CFAP54: variants seen among roughly 807,000 people sequenced by gnomAD.
CFAP54 encodes the protein cilia- and flagella-associated protein 54.
In CFAP54, 290 loss-of-function variants were observed where a neutral mutation model predicts 370.4. The ratio of observed to expected loss-of-function variants is 0.78; its 90% CI spans 0.71 to 0.86. CFAP54 has a LOEUF of 0.86. CFAP54 is among the 40% of genes least tolerant of loss of function. The pLI, the probability that CFAP54 is intolerant of heterozygous loss-of-function variation, is 0.00. For synonymous variants in CFAP54, 1,206 were observed against 1,236.5 expected, an observed-to-expected ratio of 0.98 and a Z score of 0.52; for missense variants, 3,399 against 3,528.7, an observed-to-expected ratio of 0.96 and a Z score of 0.93.
chr12:96,691,409 C>A (rs1957386475), intron 44 of CFAP54, 99 bp downstream of exon 44: 1 of 794,060 alleles, frequency 1.3e-6, no homozygotes, highest in Non-Finnish European at 1.9e-6. Flanking sequence ...TGGTCAGTTA[C>A]TGTTTAACTT....
In CFAP54 at chr12:96,844,108, A is replaced by G. The variant is rs552224495; in HGVS notation, c.9171+15020A>G. On this transcript the variant is annotated intron_variant, in intron 66 of 67. Coordinates refer to ENST00000524981, the MANE Select transcript of CFAP54 (RefSeq NM_001306084.2). ...TTGACTAAACCATTGCATTTCAGAC[A>G]TGTTGTGGTAGGTTGAACAATGGCG... 2.6e-5 allele frequency among the ~76,000 whole-genome samples: 4 copies of G among 152,298 alleles called. No homozygotes were observed. The South Asian group carries it at 8.3e-4, about 32-fold the overall frequency.
At position 96,489,917 on chromosome 12, in the gene CFAP54, G is replaced by A. The variant is rs1254529669; in HGVS notation, c.308G>A (p.Arg103His). 6.5e-7 allele frequency: 1 copy of A among 1,531,424 alleles called. No homozygotes were observed. Among genetic ancestry groups the A allele is most frequent in the Non-Finnish European group, 8.7e-7 (1 of 1,143,678 alleles). 94.9% of individuals were successfully genotyped at this position (1,531,424 alleles called of 1,614,324 possible). A position where few individuals can be genotyped will look rare whatever the true frequency, so the allele number is the denominator to read the frequency against. The part of the protein sequence containing the change: ...ATTEEEKHEF[R>H]RRCATSLFNI... Reference sequence around the variant, plus strand: ...ACGGAGGAAGAGAAGCACGAATTCCGCCGGCGTTGGTAAGCGCTGGCGGGG... The same window carrying A: ...ACGGAGGAAGAGAAGCACGAATTCCACCGGCGTTGGTAAGCGCTGGCGGGG... Residue 103 changes from arginine (R) to histidine (H), a missense_variant, in exon 1 of 68, where the codon CGC becomes CAC. By Grantham distance (29) the Arg-to-His change is conservative. Coordinates refer to ENST00000524981, the MANE Select transcript of CFAP54 (RefSeq NM_001306084.2).
At chr12:96,498,893 T>C (rs888956932) in intron 1 of CFAP54, among the ~76,000 whole-genome samples, 4 of 152,200 alleles carry the variant, frequency 2.6e-5, no homozygotes, top group African/African-American at 9.7e-5. Flanking sequence ...GATAAAGGAC[T>C]GTTGTCCAAA....
chr12:96,521,659 A>G (rs145492925), intron 6 of CFAP54, among the ~76,000 whole-genome samples, 198 bp from the exon 7 acceptor site: 1,714 of 152,248 alleles, frequency 0.011, 21 homozygotes, highest in Non-Finnish European at 0.016. Context: ...CATAATTCCT[A>G]AAGTCACCTT....
intron 63 of CFAP54, among the ~76,000 whole-genome samples, chr12:96,805,191 T>C (rs1312736091): frequency 1.3e-5 from 2 of 152,088 alleles, no homozygotes; most frequent in African/African-American, 4.8e-5. Context: ...GCAAAACATT[T>C]ATGACCAAGT....
At chr12:96,786,943 A>G in intron 62 of CFAP54, 45 bp downstream of exon 62, 1 of 1,312,376 alleles carries the variant, frequency 7.6e-7, no homozygotes, top group Non-Finnish European at 1.0e-6. Flanking sequence ...AACTTCTTGG[A>G]ATCATCATTA....
At chr12:96,587,403 G>A (rs1191388919) in intron 22 of CFAP54, among the ~76,000 whole-genome samples, 3 of 152,160 alleles carry the variant, frequency 2.0e-5, no homozygotes, top group Non-Finnish European at 4.4e-5. Context: ...GAAGCCAAGC[G>A]AAGGTCAGGC....
chr12:96,608,846 C>T (rs1042953916), intron 26 of CFAP54, among the ~76,000 whole-genome samples: 4 of 151,850 alleles, frequency 2.6e-5, no homozygotes, highest in Admixed American at 1.3e-4. Flanking sequence ...GAAAAACTGA[C>T]AGGCAGGGAG....
intron 6 of CFAP54, among the ~76,000 whole-genome samples, chr12:96,521,091 C>T (rs772615624): frequency 1.3e-5 from 2 of 152,070 alleles, no homozygotes; most frequent in Non-Finnish European, 2.9e-5. Context: ...GCGTTTTGGC[C>T]ATTTGATCCC....
chr12:96,573,136 G>A (rs779953409), intron 19 of CFAP54: 1 of 740,602 alleles, frequency 1.4e-6, no homozygotes, highest in Non-Finnish European at 1.6e-6. Flanking sequence ...TCCCGAGGAA[G>A]GATATGTCTC....
chr12:96,815,905 T>C (rs549052525), intron 64 of CFAP54, among the ~76,000 whole-genome samples: 1 of 152,338 alleles, frequency 6.6e-6, no homozygotes, highest in East Asian at 1.9e-4. Flanking sequence ...TTCTCTGTTC[T>C]GTTCCATTGG....
Position 96,804,223 on chromosome 12 carries a change from T to C in CFAP54, c.8851-7513T>C, listed in dbSNP as rs138411057. On this transcript the variant is annotated intron_variant, in intron 63 of 67. Transcript: ENST00000524981. Reference sequence around the variant, plus strand: ...AAGAATGAACAAAGCCTCTGAAAGCTGGAACAAGGAAAGGATGCCCATTTT... The same window carrying C: ...AAGAATGAACAAAGCCTCTGAAAGCCGGAACAAGGAAAGGATGCCCATTTT... Among the ~76,000 whole-genome samples, 433 of 152,244 alleles carry C rather than the reference T, an allele frequency of 2.8e-3. 1 individual carries two copies. Among genetic ancestry groups the C allele is most frequent in the African/African-American group, 9.8e-3 (408 of 41,556 alleles).
chr12:96,701,768 A>G (rs552668342), intron 46 of CFAP54, among the ~76,000 whole-genome samples: 1 of 151,322 alleles, frequency 6.6e-6, no homozygotes, highest in African/African-American at 2.5e-5. Flanking sequence ...GTGAGGCTGC[A>G]ATGAGGAGGA....
intron 22 of CFAP54, among the ~76,000 whole-genome samples, chr12:96,586,840 C>G (rs895156728): frequency 6.6e-6 from 1 of 152,106 alleles, no homozygotes; most frequent in African/African-American, 2.4e-5. Flanking sequence ...AAGGTTCACC[C>G]TGGCTGCTAC....
At chr12:96,609,971 T>G (rs1465943717) in intron 26 of CFAP54, among the ~76,000 whole-genome samples, 1 of 152,238 alleles carries the variant, frequency 6.6e-6, no homozygotes, top group Non-Finnish European at 1.5e-5. Context: ...TAAAATAATA[T>G]TTAAATTTAA....
chr12:96,555,593 T>G (rs1330220868), intron 17 of CFAP54, among the ~76,000 whole-genome samples: 3 of 149,008 alleles, frequency 2.0e-5, no homozygotes, highest in African/African-American at 7.3e-5. Context: ...ATATAATATG[T>G]AATTATATTT....
intron 66 of CFAP54, among the ~76,000 whole-genome samples, chr12:96,855,906 G>A (rs1431847901): frequency 2.0e-5 from 3 of 152,220 alleles, no homozygotes; most frequent in African/African-American, 7.2e-5. Flanking sequence ...TACTGCCCTA[G>A]CAGAGGTTCT....
chr12:96,522,327 G>T (rs1181615809), intron 8 of CFAP54, 138 bp downstream of exon 8: 1 of 572,536 alleles, frequency 1.7e-6, no homozygotes, highest in East Asian at 2.9e-5. Context: ...ATAGAGAGAA[G>T]AATGTTTTTC....
intron 26 of CFAP54, among the ~76,000 whole-genome samples, chr12:96,616,769 G>A (rs1037167095): frequency 2.0e-4 from 31 of 152,166 alleles, no homozygotes; most frequent in African/African-American, 7.2e-4. Flanking sequence ...AAAAGGTTGA[G>A]CAATGGACAG....
Sources: allele counts gnomAD v4.1 joint callset (sites outside exome capture counted in the v4.1 genomes callset), GRCh38; gene constraint gnomAD v4.1.1; transcripts MANE v1.5; gene names NCBI Gene and HGNC (gene_info 2026-07-23, HGNC 2026-07-21).